Variants in C13orf42 observed in about 807,000 individuals in gnomAD.
The protein encoded by C13orf42 is uncharacterized protein C13orf42.
intron 1 of C13orf42, among the ~76,000 whole-genome samples, chr13:51,158,512 T>C (rs1004137263): frequency 4.6e-5 from 7 of 152,248 alleles, no homozygotes; most frequent in African/African-American, 1.7e-4. Context: ...CCAGTAGCAA[T>C]GATGGCTGCA....
chr13:51,170,928 C>T (rs1436722791), intron 1 of C13orf42, among the ~76,000 whole-genome samples: 1 of 152,106 alleles, frequency 6.6e-6, no homozygotes, highest in African/African-American at 2.4e-5. Flanking sequence ...GGGCAAGAAG[C>T]CCCCAGTTGC....
At chr13:51,105,974 A>G (rs1381222310) in intron 1 of C13orf42, among the ~76,000 whole-genome samples, 1 of 152,216 alleles carries the variant, frequency 6.6e-6, no homozygotes, top group African/African-American at 2.4e-5. Flanking sequence ...TCTTGTTGAA[A>G]AATGATTTCA....
At chr13:51,146,868 A>G (rs1953739890) in intron 1 of C13orf42, among the ~76,000 whole-genome samples, 1 of 152,122 alleles carries the variant, frequency 6.6e-6, no homozygotes, top group Non-Finnish European at 1.5e-5. Context: ...TTCCTTTCAC[A>G]TTGCCCAGAG....
intron 1 of C13orf42, among the ~76,000 whole-genome samples, chr13:51,123,649 T>C (rs1375013172): frequency 6.6e-6 from 1 of 152,240 alleles, no homozygotes; most frequent in Non-Finnish European, 1.5e-5. Context: ...TAAATTCTTC[T>C]ACATAGTTCA....
intron 1 of C13orf42, among the ~76,000 whole-genome samples, chr13:51,089,741 T>C (rs1953163685): frequency 6.6e-6 from 1 of 152,026 alleles, no homozygotes; most frequent in East Asian, 2.0e-4. Context: ...CCACCTGCTT[T>C]CTGACTGGCA....
chr13:51,154,062 G>A (rs937356948), intron 1 of C13orf42, among the ~76,000 whole-genome samples: 2 of 151,936 alleles, frequency 1.3e-5, no homozygotes, highest in African/African-American at 4.8e-5. Flanking sequence ...TGACAACTCC[G>A]GTACGTCACA....
intron 2 of C13orf42, 122 bp downstream of exon 2, chr13:51,087,806 G>A (rs1252209853): frequency 7.6e-6 from 3 of 396,122 alleles, no homozygotes; most frequent in Non-Finnish European, 1.3e-5. Flanking sequence ...CTTTAATCAG[G>A]GAGGTGGGAT....
upstream of C13orf42, among the ~76,000 whole-genome samples, chr13:51,115,640 C>T (rs987314539): frequency 1.3e-5 from 2 of 152,142 alleles, no homozygotes; most frequent in Non-Finnish European, 2.9e-5. Flanking sequence ...GACTCTGAGT[C>T]AGTCCTTCCA....
At chr13:51,143,451 C>T (rs1953711586) in intron 1 of C13orf42, among the ~76,000 whole-genome samples, 1 of 84,412 alleles carries the variant, frequency 1.2e-5, no homozygotes, top group South Asian at 3.7e-4. Flanking sequence ...TAACCAACTC[C>T]TTAATAAAGG....
chr13:51,156,615 G>A (rs74085983), intron 1 of C13orf42, among the ~76,000 whole-genome samples: 1 of 152,142 alleles, frequency 6.6e-6, no homozygotes. Context: ...TTAAACTATT[G>A]ATTCAGTGAT....
At chr13:51,121,126 G>A (rs1453629149) in intron 1 of C13orf42, among the ~76,000 whole-genome samples, 1 of 152,200 alleles carries the variant, frequency 6.6e-6, no homozygotes. Context: ...GCTGAGCCCA[G>A]GGTTGAGAGC....
chr13:51,159,745 A>T (rs116065971), intron 1 of C13orf42, among the ~76,000 whole-genome samples: 279 of 152,332 alleles, frequency 1.8e-3, no homozygotes, highest in African/African-American at 6.0e-3. Context: ...TATATTTTGC[A>T]TTTTTATGCA....
chr13:51,136,026 G>A (rs1953655076), intron 1 of C13orf42, among the ~76,000 whole-genome samples: 1 of 152,160 alleles, frequency 6.6e-6, no homozygotes, highest in South Asian at 2.1e-4. Context: ...TCCACCCCTA[G>A]GGGCCAAGGT....
Position 51,084,123 on chromosome 13 carries a change from T to C in C13orf42, c.*28A>G. ...CGGACAGCTTCTCAGGGACCCAGTC[T>C]GAGACACGTCAAGGAATCCAGATGG... On this transcript the variant is annotated 3_prime_UTR_variant, in exon 4 of 4. Coordinates refer to ENST00000563710, the MANE Select transcript of C13orf42 (RefSeq NM_001351589.3). The C allele has an allele frequency of 2.5e-6, 1 of 398,712 alleles. No homozygotes were observed. Among genetic ancestry groups the C allele is most frequent in the Non-Finnish European group, 4.4e-6 (1 of 226,108 alleles). The allele number at this position is 398,712 out of a possible 1,614,324, so 24.7% of individuals were successfully genotyped here.
chr13:51,089,799 A>G, intron 1 of C13orf42, among the ~76,000 whole-genome samples: 1 of 151,418 alleles, frequency 6.6e-6, no homozygotes, highest in Non-Finnish European at 1.5e-5. Context: ...CTCTTTTAAA[A>G]TGAAACTGAG....
At chr13:51,154,563 T>C (rs925754950) in intron 1 of C13orf42, among the ~76,000 whole-genome samples, 1 of 152,018 alleles carries the variant, frequency 6.6e-6, no homozygotes, top group Non-Finnish European at 1.5e-5. Context: ...ACCACCAGAG[T>C]GGAGCAAGCG....
intron 1 of C13orf42, among the ~76,000 whole-genome samples, chr13:51,171,129 C>A (rs566705881): frequency 6.6e-6 from 1 of 152,154 alleles, no homozygotes; most frequent in Admixed American, 6.5e-5. Context: ...TATGGGTAAG[C>A]TTCCACCCTC....
chr13:51,135,051 G>C (rs1335300422), intron 1 of C13orf42, among the ~76,000 whole-genome samples: 1 of 152,216 alleles, frequency 6.6e-6, no homozygotes, highest in African/African-American at 2.4e-5. Flanking sequence ...CCTGGGCAAA[G>C]CTCACCCAAC....
chr13:51,154,920 T>A (rs76725157), intron 1 of C13orf42, among the ~76,000 whole-genome samples: 1,986 of 152,340 alleles, frequency 0.013, 19 homozygotes, highest in Non-Finnish European at 0.021. Flanking sequence ...GTCACTGTCC[T>A]GCTTTTAAGG....
Sources: gnomAD v4.1 joint callset for allele counts (sites outside exome capture counted in the v4.1 genomes callset) on GRCh38, gnomAD v4.1.1 for gene constraint, MANE v1.5 for transcripts, NCBI Gene and HGNC (gene_info 2026-07-23, HGNC 2026-07-21) for gene names.